Variants in HLCS observed in about 807,000 individuals in gnomAD.
The protein encoded by HLCS is biotin--protein ligase.
Under a neutral mutation model 75.0 loss-of-function variants are expected in HLCS, and 53 were observed. The observed-to-expected ratio is 0.71, with a 90% CI of 0.57 to 0.89. The LOEUF is 0.89. HLCS is among the 40% of genes least tolerant of loss of function. The pLI is 0.00. For synonymous variants in HLCS, 431 were observed against 428.6 expected (o/e 1.01, Z -0.07); for missense variants, 966 against 1,074.0 (o/e 0.90, Z 1.41).
chr21:36,922,935 G>A (rs2066237027), intron 5 of HLCS, among the ~76,000 whole-genome samples: 1 of 152,236 alleles, frequency 6.6e-6, no homozygotes, highest in Non-Finnish European at 1.5e-5. Context: ...AACTGAAGGA[G>A]AACATTTATC....
intron 6 of HLCS, among the ~76,000 whole-genome samples, chr21:36,778,334 C>G (rs905269605): frequency 2.0e-5 from 3 of 151,898 alleles, no homozygotes; most frequent in African/African-American, 7.3e-5. Flanking sequence ...GGCTGGAATG[C>G]AGTGGTGCAG....
At chr21:36,854,245 T>C (rs2063111041) in intron 6 of HLCS, among the ~76,000 whole-genome samples, 1 of 152,072 alleles carries the variant, frequency 6.6e-6, no homozygotes, top group Non-Finnish European at 1.5e-5. Context: ...TGTAAGGGGA[T>C]TTACAGATTT....
intron 6 of HLCS, among the ~76,000 whole-genome samples, chr21:36,786,827 G>A (rs929804461): frequency 2.0e-5 from 3 of 152,190 alleles, no homozygotes; most frequent in African/African-American, 4.8e-5. Context: ...CATTCTCACC[G>A]AATGTGTAAT....
intron 6 of HLCS, among the ~76,000 whole-genome samples, chr21:36,770,502 A>C (rs2060172491): frequency 6.6e-6 from 1 of 152,076 alleles, no homozygotes; most frequent in African/African-American, 2.4e-5. Context: ...GGCAGGAAGG[A>C]GATTAGACAA....
chr21:36,855,562 A>G (rs1173735010), intron 6 of HLCS, among the ~76,000 whole-genome samples: 2 of 143,438 alleles, frequency 1.4e-5, no homozygotes, highest in African/African-American at 2.6e-5. Flanking sequence ...AAAAAAAAAA[A>G]GGTTAAAGGT....
intron 6 of HLCS, among the ~76,000 whole-genome samples, chr21:36,832,359 C>T (rs975146850): frequency 1.7e-4 from 26 of 152,144 alleles, no homozygotes; most frequent in Admixed American, 1.1e-3. Context: ...CAGAGAATCT[C>T]GATGAAGATT....
In HLCS at chr21:36,936,719, C is replaced by T. The variant is rs1057523540; in HGVS notation, c.1167G>A (p.Lys389=). 8.7e-6 allele frequency: 14 copies of T among 1,614,244 alleles called. No individual in the cohort carries two copies. The highest frequency in any genetic ancestry group is 1.1e-5 in the Non-Finnish European group (13 of 1,180,040). ...KFMAYLSQGG[K]VLGLSSSFTF... Reference sequence around the variant, plus strand: ...TGAAGGATGAAGACAGGCCCAACACCTTCCCTCCCTGAGAAAGATAGGCCA... The same window carrying T: ...TGAAGGATGAAGACAGGCCCAACACTTTCCCTCCCTGAGAAAGATAGGCCA... Residue 389 remains lysine (K), a synonymous_variant, in exon 4 of 11, where the codon AAG becomes AAA. Transcript: ENST00000674895.
chr21:36,876,493 G>C (rs2063984632), intron 6 of HLCS, among the ~76,000 whole-genome samples: 1 of 152,112 alleles, frequency 6.6e-6, no homozygotes, highest in African/African-American at 2.4e-5. Context: ...ACTTTCCCTT[G>C]TGATTTCTTG....
chr21:36,936,823 C>T lies in HLCS; in HGVS notation c.1063G>A (p.Asp355Asn), dbSNP rs1433394757. Reference sequence around the variant, plus strand: ...AGCAGACAGTTGTCCGTCCACGGGTCTCTGAGAGCACTGTCCTCCAGCAGG... The same window carrying T: ...AGCAGACAGTTGTCCGTCCACGGGTTTCTGAGAGCACTGTCCTCCAGCAGG... ...YHLLEDSALR[D>N]PWTDNCLLLV... Residue 355 changes from aspartate (D) to asparagine (N), a missense_variant, in exon 4 of 11, where the codon GAC (aspartate) becomes AAC (asparagine). Transcript: ENST00000674895. The T allele has an allele frequency of 3.7e-6, 6 of 1,614,186 alleles. No individual in the cohort carries two copies. The East Asian group carries it at 1.3e-4, about 36-fold the overall frequency.
rs561978194 is a variant in HLCS, at chr21:36,784,575, G to A, written c.1893-17290C>T. 6.6e-4 allele frequency among the ~76,000 whole-genome samples: 101 copies of A among 152,058 alleles called. 1 individual carries two copies. Among genetic ancestry groups the A allele is most frequent in the African/African-American group, 2.3e-3 (95 of 41,448 alleles). On this transcript the variant is annotated intron_variant, in intron 6 of 10. Transcript: ENST00000674895. ...AGGTGATCCACCCACCTCAGCTTCCGAAAGTGCTAGGATTACAGGCGTGAG... is the reference window on the plus strand; with the variant it reads ...AGGTGATCCACCCACCTCAGCTTCCAAAAGTGCTAGGATTACAGGCGTGAG...
In HLCS at chr21:36,946,169, G is replaced by A. The variant is rs1311113870; in HGVS notation, c.331-7175C>T. 1.8e-5 allele frequency: 16 copies of A among 900,080 alleles called. No homozygotes were observed. In the Admixed American group the frequency reaches 1.9e-4, roughly 10 times the overall value. 55.8% of individuals were successfully genotyped at this position (900,080 alleles called of 1,614,324 possible). A position where few individuals can be genotyped will look rare whatever the true frequency, so the allele number is the denominator to read the frequency against. On this transcript the variant is annotated intron_variant, in intron 2 of 10. Coordinates refer to ENST00000674895, the MANE Select transcript of HLCS (RefSeq NM_001352514.2). ...AAAAACCGAACCTGGCAGGGAATGG[G>A]GAGGTGAAAAAAATCTTAGACATTA... is the stretch of plus-strand genomic sequence containing the variant.
chr21:36,820,858 C>T (rs1034765352), intron 6 of HLCS, among the ~76,000 whole-genome samples: 2 of 152,182 alleles, frequency 1.3e-5, no homozygotes, highest in African/African-American at 4.8e-5. Flanking sequence ...TCGATGACCC[C>T]AAAAGCACGG....
intron 6 of HLCS, among the ~76,000 whole-genome samples, chr21:36,776,645 C>T (rs1026474692): frequency 9.2e-5 from 14 of 152,166 alleles, no homozygotes; most frequent in African/African-American, 2.9e-4. Context: ...GAACTCCTGA[C>T]CTTGTGATCC....
In HLCS at chr21:36,936,629, G is replaced by A. The variant is rs757706257; in HGVS notation, c.1257C>T (p.Phe419=). The change falls in exon 4 of 11, where the codon TTC becomes TTT. Residue 419 remains phenylalanine (F), a synonymous_variant. Transcript: ENST00000674895. ...TCACCTCGCTCTGGTCAGCCTTGGA[G>A]AAAACCAAGTTCTGGACTGTCTTGT... is the stretch of plus-strand genomic sequence containing the variant. ...ALHKTVQNLV[F]SKADQSEVKL... 9 of 1,614,248 alleles carry A rather than the reference G, an allele frequency of 5.6e-6. No homozygotes were observed. In the East Asian group the frequency reaches 8.9e-5, roughly 16 times the overall value.
intron 6 of HLCS, among the ~76,000 whole-genome samples, chr21:36,803,229 G>A (rs1025755765): frequency 6.6e-6 from 1 of 152,234 alleles, no homozygotes. Context: ...TTTGTGATGA[G>A]AAGGAGGCTC....
Position 36,966,520 on chromosome 21 carries a change from C to A in HLCS, c.119G>T (p.Gly40Val), listed in dbSNP as rs2068595646. Residue 40 changes from glycine (G) to valine (V), a missense_variant, in exon 1 of 11, where the codon GGC (glycine) becomes GTC (valine). Physicochemically the swap from Gly to Val is moderately radical, Grantham distance 109. Coordinates refer to ENST00000674895, the MANE Select transcript of HLCS (RefSeq NM_001352514.2). ...GGCGCCCGGGGGCTGCGCGGCCGCG[C>A]CGCAGAAGGTGAAGGAACAGCGCGA... Reference protein sequence around the residue: ...RASRCSFTFCGAAAQPPGARV... With the variant: ...RASRCSFTFCVAAAQPPGARV... The A allele has an allele frequency of 2.0e-6, 2 of 989,244 alleles. No homozygotes were observed. Among genetic ancestry groups the A allele is most frequent in the Non-Finnish European group, 2.4e-6 (2 of 833,566 alleles). 61.3% of individuals were successfully genotyped at this position (989,244 alleles called of 1,614,324 possible).
At chr21:36,919,212 A>G (rs2066057112) in intron 5 of HLCS, among the ~76,000 whole-genome samples, 1 of 152,222 alleles carries the variant, frequency 6.6e-6, no homozygotes, top group Non-Finnish European at 1.5e-5. Context: ...GTACAGAAGA[A>G]TTCACTCATT....
chr21:36,901,509 G>A (rs1448223232), intron 5 of HLCS, among the ~76,000 whole-genome samples: 4 of 152,194 alleles, frequency 2.6e-5, no homozygotes, highest in African/African-American at 7.2e-5. Flanking sequence ...TATTCTTACA[G>A]TTTTGGAGGA....
intron 6 of HLCS, among the ~76,000 whole-genome samples, chr21:36,789,711 G>A (rs73212605): frequency 2.6e-5 from 4 of 152,078 alleles, no homozygotes; most frequent in Non-Finnish European, 5.9e-5. Flanking sequence ...GCCACCTTAC[G>A]CATTTTCTAG....
Sources: allele counts gnomAD v4.1 joint callset (sites outside exome capture counted in the v4.1 genomes callset), GRCh38; gene constraint gnomAD v4.1.1; transcripts MANE v1.5; gene names NCBI Gene and HGNC (gene_info 2026-07-23, HGNC 2026-07-21).